Variants in PAIP1 observed in about 807,000 individuals in gnomAD.
The protein encoded by PAIP1 is poly(A) binding protein interacting protein 1.
Under a neutral mutation model 61.3 loss-of-function variants are expected in PAIP1, and 16 were observed. The ratio of observed to expected loss-of-function variants is 0.26; its 90% confidence interval spans 0.18 to 0.40. PAIP1 has a LOEUF of 0.40. Among genes scored for constraint, PAIP1 ranks in the 10% least tolerant of loss-of-function variants. The pLI, the probability that PAIP1 is intolerant of heterozygous loss-of-function variation, is 1.00. For synonymous variants in PAIP1, 187 were observed against 226.2 expected (o/e 0.83, Z 1.56); for missense variants, 416 against 600.9 (o/e 0.69, Z 3.22).
At chr5:43,539,939 C>T (rs1483125597) in intron 4 of PAIP1, among the ~76,000 whole-genome samples, 1 of 152,178 alleles carries the variant, frequency 6.6e-6, no homozygotes, top group African/African-American at 2.4e-5. Flanking sequence ...AAGTAACTTG[C>T]TTCACAAAAC....
intron 5 of PAIP1, 144 bp downstream of exon 5, chr5:43,538,780 G>C: frequency 1.7e-6 from 1 of 571,880 alleles, no homozygotes; most frequent in Admixed American, 3.0e-5. Flanking sequence ...ACAGACACTA[G>C]CAGGTGCCGA....
chr5:43,538,915 ACTT>A lies in PAIP1; in HGVS notation c.846+6_846+8del. The A allele has an allele frequency of 6.7e-7, 1 of 1,485,992 alleles. No homozygotes were observed. Among genetic ancestry groups the A allele is most frequent in the East Asian group, 2.3e-5 (1 of 44,254 alleles). The allele number at this position is 1,485,992 out of a possible 1,614,324, so 92.1% of individuals were successfully genotyped here. On this transcript the variant is annotated splice_donor_region_variant and intron_variant, in intron 5 of 10. Coordinates refer to ENST00000306846, the MANE Select transcript of PAIP1 (RefSeq NM_006451.5). The stretch of plus-strand genomic sequence containing the variant: ...CTTGTTAGTACTTAACAAAAGAAAA[ACTT>A]CTCACCTCCAGGTTAAGATAAAGTT...
At chr5:43,537,069 C>T (rs1747185070) in intron 5 of PAIP1, 125 bp from the exon 6 acceptor site, 1 of 562,812 alleles carries the variant, frequency 1.8e-6, no homozygotes, top group Middle Eastern at 3.3e-4. Context: ...CAGGAACACA[C>T]TCTGATATCT....
chr5:43,533,168 A>G (rs929230137), intron 9 of PAIP1, among the ~76,000 whole-genome samples: 1 of 152,210 alleles, frequency 6.6e-6, no homozygotes, highest in Non-Finnish European at 1.5e-5. Context: ...AATTCCAACC[A>G]TAAGCTGGTT....
Position 43,538,910 on chromosome 5 carries a change from G to GA in PAIP1, c.846+13dup. 1 of 1,437,680 alleles carries GA rather than the reference G, an allele frequency of 7.0e-7. No individual in the cohort carries two copies. Among genetic ancestry groups the GA allele is most frequent in the Non-Finnish European group, 9.8e-7 (1 of 1,021,470 alleles). The allele number at this position is 1,437,680 out of a possible 1,614,324, so 89.1% of individuals were successfully genotyped here. A position where few individuals can be genotyped will look rare whatever the true frequency, so the allele number is the denominator to read the frequency against. On this transcript the variant is annotated intron_variant, in intron 5 of 10. Transcript: ENST00000306846. ...CAGGCCTTGTTAGTACTTAACAAAA[G>GA]AAAAACTTCTCACCTCCAGGTTAAG...
At chr5:43,536,266 C>T (rs887225724) in intron 6 of PAIP1, among the ~76,000 whole-genome samples, 2 of 152,148 alleles carry the variant, frequency 1.3e-5, no homozygotes, top group African/African-American at 4.8e-5. Context: ...CCCACCAAAT[C>T]CGTGTTTAAG....
chr5:43,544,687 CAA>C (rs539106342), intron 3 of PAIP1, among the ~76,000 whole-genome samples: 1 of 152,062 alleles, frequency 6.6e-6, no homozygotes, highest in African/African-American at 2.4e-5. Flanking sequence ...CACATAATGC[CAA>C]AAGTGGAAAA....
In PAIP1 at chr5:43,529,957, T is replaced by G. The variant is rs1579904293; in HGVS notation, c.1253-78A>C. 14 of 743,386 alleles carry G rather than the reference T, an allele frequency of 1.9e-5. No homozygotes were observed. In the East Asian group the frequency reaches 3.5e-4, roughly 19 times the overall value. 46.0% of individuals were successfully genotyped at this position (743,386 alleles called of 1,614,324 possible). A position where few individuals can be genotyped will look rare whatever the true frequency, so the allele number is the denominator to read the frequency against. On this transcript the variant is annotated intron_variant, in intron 9 of 10. Coordinates refer to ENST00000306846, the MANE Select transcript of PAIP1 (RefSeq NM_006451.5). Reference sequence around the variant, plus strand: ...TGACCAATCACCCCTAAATGTTTTTTAATATTATGACTTTTGCCCCCCTGC... The same window carrying G: ...TGACCAATCACCCCTAAATGTTTTTGAATATTATGACTTTTGCCCCCCTGC...
intron 4 of PAIP1, among the ~76,000 whole-genome samples, chr5:43,540,864 C>G (rs1747371836): frequency 6.6e-6 from 1 of 152,022 alleles, no homozygotes; most frequent in Non-Finnish European, 1.5e-5. Context: ...CTAATTACAC[C>G]AGAATTTCAA....
At chr5:43,555,776 A>ACCACATTATT in intron 2 of PAIP1, 54 bp downstream of exon 2, 1 of 1,443,436 alleles carries the variant, frequency 6.9e-7, no homozygotes, top group Non-Finnish European at 9.4e-7. Flanking sequence ...CAAAGTAACA[A>ACCACATTATT]CCACATTATT....
intron 10 of PAIP1, among the ~76,000 whole-genome samples, chr5:43,529,421 T>G (rs1746846354): frequency 6.6e-6 from 1 of 152,110 alleles, no homozygotes; most frequent in Non-Finnish European, 1.5e-5. Flanking sequence ...TTTTTTTTTT[T>G]GAGACAGAAT....
intron 6 of PAIP1, 33 bp downstream of exon 6, chr5:43,536,786 C>A (rs201472696): frequency 3.5e-6 from 4 of 1,128,820 alleles, no homozygotes; most frequent in East Asian, 4.8e-5. Flanking sequence ...TAAGTAAATA[C>A]GTAAATTAGT....
intron 1 of PAIP1, 115 bp downstream of exon 1, chr5:43,556,467 C>A: frequency 8.3e-7 from 1 of 1,204,956 alleles, no homozygotes. Context: ...TCGGGGAATG[C>A]TTTCGGGGAA....
chr5:43,556,356 C>A (rs1748072743), intron 1 of PAIP1: 26 of 1,234,278 alleles, frequency 2.1e-5, no homozygotes, highest in Non-Finnish European at 2.6e-5. Flanking sequence ...ACTCCGAGAC[C>A]GCGCACCCGG....
At position 43,542,993 on chromosome 5, in the gene PAIP1, T is replaced by A. The variant is rs1374328349; in HGVS notation, c.734+11A>T. 7.2e-7 allele frequency: 1 copy of A among 1,382,306 alleles called. No individual in the cohort carries two copies. The highest frequency in any genetic ancestry group is 1.0e-6 in the Non-Finnish European group (1 of 969,854). The allele number at this position is 1,382,306 out of a possible 1,614,324, so 85.6% of individuals were successfully genotyped here. A position where few individuals can be genotyped will look rare whatever the true frequency, so the allele number is the denominator to read the frequency against. ...GAAGTAGTTTTCCTTTAATTTCACA[T>A]TTACACTGACCTTTGAAGTAGCAAT... On this transcript the variant is annotated intron_variant, in intron 4 of 10. Coordinates refer to ENST00000306846, the MANE Select transcript of PAIP1 (RefSeq NM_006451.5).
intron 6 of PAIP1, among the ~76,000 whole-genome samples, chr5:43,535,912 A>T (rs1389254693): frequency 2.0e-5 from 3 of 152,118 alleles, no homozygotes; most frequent in Non-Finnish European, 2.9e-5. Flanking sequence ...TGACTAAGAT[A>T]GGCTATTAGA....
Position 43,557,045 on chromosome 5 carries a change from G to A in PAIP1, c.-199C>T. 1.0e-6 allele frequency: 1 copy of A among 973,532 alleles called. No individual in the cohort carries two copies. The highest frequency in any genetic ancestry group is 1.3e-6 in the Non-Finnish European group (1 of 749,828). 60.3% of individuals were successfully genotyped at this position (973,532 alleles called of 1,614,324 possible). ...CAGCCCGAGCACCCGCCGCTCCAGA[G>A]CGCCCGCCCCGCTCGGCTACCCTCG... is the stretch of plus-strand genomic sequence containing the variant. On this transcript the variant is annotated 5_prime_UTR_variant, in exon 1 of 11. Coordinates refer to ENST00000306846, the MANE Select transcript of PAIP1 (RefSeq NM_006451.5).
rs756966961 is a variant in PAIP1 at position 43,549,549 on chromosome 5, T to C, written c.436-1636A>G. 1.6e-4 allele frequency among the ~76,000 whole-genome samples: 24 copies of C among 152,132 alleles called. 1 individual carries two copies. The highest frequency in any genetic ancestry group is 4.6e-4 in the Admixed American group (7 of 15,274). On this transcript the variant is annotated intron_variant, in intron 2 of 10. Coordinates refer to ENST00000306846, the MANE Select transcript of PAIP1 (RefSeq NM_006451.5). ...AAGATGTGCCTTTCACCTCCCGCCA[T>C]GATTCTGAGGCTTTCCCAGCCTTGT...
At chr5:43,529,221 T>C (rs1746837078) in intron 10 of PAIP1, among the ~76,000 whole-genome samples, 1 of 152,062 alleles carries the variant, frequency 6.6e-6, no homozygotes. Flanking sequence ...ACAGTAAGTT[T>C]TAGAGCTTCT....
Sources: gnomAD v4.1 joint callset for allele counts (sites outside exome capture counted in the v4.1 genomes callset) on GRCh38, gnomAD v4.1.1 for gene constraint, MANE v1.5 for transcripts, NCBI Gene and HGNC (gene_info 2026-07-23, HGNC 2026-07-21) for gene names.